Variants in PLEKHM1 observed in about 807,000 individuals in gnomAD.
The protein encoded by PLEKHM1 is pleckstrin homology and RUN domain containing M1.
PLEKHM1 carries 28 observed loss-of-function variants against 94.3 expected under a neutral mutation model. The observed-to-expected ratio is 0.30, with a 90% CI of 0.22 to 0.41. The LOEUF (loss-of-function observed/expected upper bound fraction) is 0.41, where lower values mean the gene tolerates loss of function less well. Ranked by LOEUF, PLEKHM1 falls within the 10% of genes least tolerant of loss-of-function variation. The pLI, the probability that PLEKHM1 is intolerant of heterozygous loss-of-function variation, is 1.00. For missense variants in PLEKHM1, 907 were observed against 1,358.6 expected (o/e 0.67, Z 5.22); for synonymous variants, 424 against 581.2 (o/e 0.73, Z 3.89).
At chr17:45,490,517 G>A (rs1396829222) in intron 1 of PLEKHM1, 135 bp downstream of exon 1, 3 of 366,652 alleles carry the variant, frequency 8.2e-6, no homozygotes, top group Non-Finnish European at 1.7e-5. Context: ...ACAGGGCTGA[G>A]GGCCCTGAAG....
intron 5 of PLEKHM1, among the ~76,000 whole-genome samples, chr17:45,467,362 T>C (rs1183950619): frequency 6.6e-6 from 1 of 152,260 alleles, no homozygotes; most frequent in Non-Finnish European, 1.5e-5. Context: ...CATTTGGACT[T>C]GCCACATTTT....
Position 45,474,582 on chromosome 17 carries a change from C to T in PLEKHM1, c.923+518G>A, listed in dbSNP as rs75615683. Among the ~76,000 whole-genome samples the T allele has an allele frequency of 4.8e-3, 725 of 152,328 alleles. 6 individuals carry two copies. The highest frequency in any genetic ancestry group is 0.017 in the African/African-American group (689 of 41,558). On this transcript the variant is annotated intron_variant, in intron 4 of 11. Transcript: ENST00000430334. ...GTTGGACGTTTTAAATGTACTCTGA[C>T]CTATTAGTTTCCTTCCTTCTAGATG... is the stretch of plus-strand genomic sequence containing the variant.
intron 5 of PLEKHM1, 78 bp downstream of exon 5, chr17:45,468,131 T>C (rs2051377039): frequency 1.3e-6 from 2 of 1,587,972 alleles, no homozygotes; most frequent in Non-Finnish European, 1.7e-6. Flanking sequence ...CAGAGACCAC[T>C]CAGGGTCACT....
chr17:45,453,809 C>A lies in PLEKHM1; in HGVS notation c.2043G>T (p.Glu681Asp), dbSNP rs1462052550. The change falls in exon 7 of 12, where the codon GAG becomes GAT. Residue 681 changes from glutamate to aspartate, a missense_variant. Physicochemically the swap from Glu to Asp is conservative, Grantham distance 45. Coordinates refer to ENST00000430334, the MANE Select transcript of PLEKHM1 (RefSeq NM_014798.3). This position sits in a 1 kb window ranked among gnomAD's most constrained non-coding sequence, Gnocchi z 4.1. ...GCAGGGACTCCTTGATGGCATCTGG[C>A]TCTGGAACCTGGGCGGACGACCAGT... ...QFDWSSAQVP[E>D]PDAIKESLLY... 1 of 1,614,014 alleles carries A rather than the reference C, an allele frequency of 6.2e-7. No homozygotes were observed. Among genetic ancestry groups the A allele is most frequent in the Admixed American group, 1.7e-5 (1 of 60,026 alleles).
intron 4 of PLEKHM1, among the ~76,000 whole-genome samples, chr17:45,470,119 T>C (rs1283365189): frequency 6.6e-6 from 1 of 152,070 alleles, no homozygotes; most frequent in African/African-American, 2.4e-5. Context: ...CAACACATTT[T>C]AATGGGGAGG....
chr17:45,474,447 T>C (rs563097419), intron 4 of PLEKHM1, among the ~76,000 whole-genome samples: 1 of 152,258 alleles, frequency 6.6e-6, no homozygotes, highest in Non-Finnish European at 1.5e-5. Flanking sequence ...CTTCCACACA[T>C]CTGTCTGTCC....
At position 45,453,660 on chromosome 17, in the gene PLEKHM1, A is replaced by G. The variant is rs1329922981; in HGVS notation, c.2192T>C (p.Ile731Thr). 2 of 1,612,930 alleles carry G rather than the reference A, an allele frequency of 1.2e-6. No individual in the cohort carries two copies. The highest frequency in any genetic ancestry group is 2.2e-5 in the South Asian group (2 of 90,922). The change falls in exon 7 of 12, where the codon ATC (isoleucine) becomes ACC (threonine). Residue 731 changes from isoleucine to threonine, a missense_variant. Transcript: ENST00000430334. This position sits in a 1 kb window ranked among gnomAD's most constrained non-coding sequence, Gnocchi z 4.1. ...MLSDSHGVET[I>T]RDILPDTSLG... ...GCTGGTGTCTGGCAGGATGTCCCGGATGGTCTCCACGCCGTGGCTGTCACT... is the reference window on the plus strand; with the variant it reads ...GCTGGTGTCTGGCAGGATGTCCCGGGTGGTCTCCACGCCGTGGCTGTCACT...
Position 45,478,265 on chromosome 17 carries a change from T to G in PLEKHM1, c.49-118A>C, listed in dbSNP as rs1476712314. 5 of 1,168,046 alleles carry G rather than the reference T, an allele frequency of 4.3e-6. No individual in the cohort carries two copies. In the African/African-American group the frequency reaches 8.0e-5, roughly 19 times the overall value. The allele number at this position is 1,168,046 out of a possible 1,614,324, so 72.4% of individuals were successfully genotyped here. The stretch of plus-strand genomic sequence containing the variant: ...GCAACCACATGCACACACATCTATG[T>G]GTGTGTCTGTAGATTCCTTCTGCAA... On this transcript the variant is annotated intron_variant, in intron 2 of 11. Transcript: ENST00000430334.
intron 7 of PLEKHM1, among the ~76,000 whole-genome samples, chr17:45,451,313 C>T (rs966236675): frequency 3.3e-5 from 5 of 152,150 alleles, no homozygotes; most frequent in African/African-American, 4.8e-5. Flanking sequence ...TCTGATGCCT[C>T]GGGACTGTGG....
chr17:45,474,070 T>A lies in PLEKHM1; in HGVS notation c.923+1030A>T, dbSNP rs186828421. On this transcript the variant is annotated intron_variant, in intron 4 of 11. Transcript: ENST00000430334. Reference sequence around the variant, plus strand: ...ATTTTATTTATTTATTTATTTTTTTTTTTTGAGACAGAGTCTTACTCTGTC... The same window carrying A: ...ATTTTATTTATTTATTTATTTTTTTATTTTGAGACAGAGTCTTACTCTGTC... Among the ~76,000 whole-genome samples the A allele has an allele frequency of 5.5e-3, 832 of 151,352 alleles. 3 individuals are homozygous for A. Among genetic ancestry groups the A allele is most frequent in the Non-Finnish European group, 7.0e-3 (475 of 67,838 alleles).
chr17:45,472,031 T>C (rs183485062), intron 4 of PLEKHM1, among the ~76,000 whole-genome samples: 1 of 152,324 alleles, frequency 6.6e-6, no homozygotes, highest in East Asian at 1.9e-4. Flanking sequence ...TGTTGTGTCT[T>C]TTATGCTTTT....
downstream of PLEKHM1, chr17:45,435,798 C>T: frequency 2.7e-6 from 1 of 372,360 alleles, no homozygotes; most frequent in Non-Finnish European, 5.3e-6. Context: ...TTCCCCCGTG[C>T]CAGGGACTAA....
chr17:45,453,851 G>C lies in PLEKHM1; in HGVS notation c.2001C>G (p.Leu667=). 6.2e-7 allele frequency: 1 copy of C among 1,613,978 alleles called. No homozygotes were observed. The highest frequency in any genetic ancestry group is 8.5e-7 in the Non-Finnish European group (1 of 1,179,854). Residue 667 remains leucine (L), a synonymous_variant, in exon 7 of 12, where the codon CTC becomes CTG. Transcript: ENST00000430334. The surrounding 1 kb of genome is among the most constrained non-coding windows in gnomAD (Gnocchi z 4.1). ...ACGACCAGTCAAACTGTGTGCCCTGGAGGGCCGCGGGCTCCGAGAGCAGGT... is the reference window on the plus strand; with the variant it reads ...ACGACCAGTCAAACTGTGTGCCCTGCAGGGCCGCGGGCTCCGAGAGCAGGT... ...PSDLLSEPAA[L]QGTQFDWSSA... is the part of the protein sequence containing the mutation.
At chr17:45,450,009 C>G (rs1394004006) in intron 8 of PLEKHM1, among the ~76,000 whole-genome samples, 1 of 151,768 alleles carries the variant, frequency 6.6e-6, no homozygotes, top group Admixed American at 6.6e-5. Flanking sequence ...ATCCACCTAA[C>G]CATCTGCTCA....
intron 10 of PLEKHM1, 48 bp downstream of exon 10, chr17:45,440,115 A>T: frequency 6.5e-7 from 1 of 1,537,080 alleles, no homozygotes; most frequent in Non-Finnish European, 9.0e-7. Context: ...CTTCTCTGGG[A>T]ATGAAGTCTC....
chr17:45,461,918 G>T (rs561734264), intron 5 of PLEKHM1, among the ~76,000 whole-genome samples: 2 of 152,304 alleles, frequency 1.3e-5, no homozygotes, highest in South Asian at 4.1e-4. Flanking sequence ...GCCTCAACAT[G>T]GAAGGGCAGA....
intron 4 of PLEKHM1, among the ~76,000 whole-genome samples, chr17:45,474,121 GT>G (rs2051621007): frequency 6.6e-6 from 1 of 150,744 alleles, no homozygotes; most frequent in Admixed American, 6.6e-5. Context: ...CAGTGGTGCG[GT>G]CTCAGCTCAC....
chr17:45,454,581 T>C, intron 6 of PLEKHM1: 2 of 553,156 alleles, frequency 3.6e-6, no homozygotes, highest in South Asian at 2.0e-5. Flanking sequence ...GAACCAAGTG[T>C]GCTTCTTTCT....
intron 6 of PLEKHM1, chr17:45,454,814 C>T (rs897161767): frequency 3.9e-5 from 8 of 202,552 alleles, no homozygotes; most frequent in Non-Finnish European, 8.2e-5. Flanking sequence ...TTACAGAAAA[C>T]CTGTTTGAAG....
Sources: gnomAD v4.1 joint callset for allele counts (sites outside exome capture counted in the v4.1 genomes callset) on GRCh38, gnomAD v4.1.1 for gene constraint, Gnocchi (gnomAD v3.1) non-coding constraint, MANE v1.5 for transcripts, NCBI Gene and HGNC (gene_info 2026-07-23, HGNC 2026-07-21) for gene names.